Variants in LRP1B observed in about 807,000 individuals in gnomAD.
LRP1B encodes LDL receptor related protein 1B, also known as low-density lipoprotein receptor-related protein 1B.
A neutral mutation model predicts 556.6 loss-of-function variants in LRP1B; 217 were observed. That is an observed-to-expected ratio of 0.39 (90% CI 0.35 to 0.44). The LOEUF is 0.44. Among genes scored for constraint, LRP1B ranks in the 20% least tolerant of loss-of-function variants. LRP1B has a pLI of 1.00. For synonymous variants in LRP1B, 2,047 were observed against 1,865.8 expected (o/e 1.10, Z -2.50); for missense variants, 5,053 against 5,620.8 (o/e 0.90, Z 3.23).
intron 6 of LRP1B, among the ~76,000 whole-genome samples, chr2:141,206,295 C>T (rs1048837858): frequency 6.6e-6 from 1 of 151,896 alleles, no homozygotes; most frequent in Non-Finnish European, 1.5e-5. Flanking sequence ...CTATTAAGAA[C>T]GAATTGCCGG....
rs573770894 is a variant in LRP1B, at chr2:140,238,639, C to A, written c.13416-343G>T. The stretch of plus-strand genomic sequence containing the variant: ...AAGATTGTTTTCAATCCCCAAGTTA[C>A]ATGGTTAGAATCCTGTTTTACATAA... On this transcript the variant is annotated intron_variant, in intron 88 of 90. Transcript: ENST00000389484. Among the ~76,000 whole-genome samples, 43 of 150,910 alleles carry A rather than the reference C, an allele frequency of 2.8e-4. 1 individual carries two copies. In the South Asian group the frequency reaches 6.5e-3, roughly 23 times the overall value.
At chr2:140,336,292 A>C (rs1681090926) in intron 77 of LRP1B, among the ~76,000 whole-genome samples, 1 of 151,594 alleles carries the variant, frequency 6.6e-6, no homozygotes, top group African/African-American at 2.4e-5. Flanking sequence ...TAATCTTTTC[A>C]TTGCTCAGTA....
At chr2:141,534,972 C>T (rs929354541) in intron 2 of LRP1B, among the ~76,000 whole-genome samples, 1 of 152,056 alleles carries the variant, frequency 6.6e-6, no homozygotes, top group Non-Finnish European at 1.5e-5. Flanking sequence ...CTTTTTGTTT[C>T]TAAAATTGGT....
At chr2:140,922,707 C>T (rs1010921495) in intron 21 of LRP1B, among the ~76,000 whole-genome samples, 4 of 151,992 alleles carry the variant, frequency 2.6e-5, no homozygotes, top group Non-Finnish European at 5.9e-5. Flanking sequence ...AATCCTAAGT[C>T]TGACATGTTG....
At chr2:140,794,606 T>C (rs1452192624) in intron 32 of LRP1B, among the ~76,000 whole-genome samples, 2 of 151,294 alleles carry the variant, frequency 1.3e-5, no homozygotes, top group African/African-American at 2.4e-5. Flanking sequence ...GTATTTGTTA[T>C]ATAGCCACTT....
intron 2 of LRP1B, among the ~76,000 whole-genome samples, chr2:141,542,588 T>C (rs967891428): frequency 3.3e-5 from 5 of 152,206 alleles, no homozygotes; most frequent in Admixed American, 3.3e-4. Flanking sequence ...CTGAACTTTT[T>C]CCTAAATAAA....
intron 66 of LRP1B, among the ~76,000 whole-genome samples, chr2:140,436,320 G>A (rs569642822): frequency 6.6e-6 from 1 of 152,144 alleles, no homozygotes; most frequent in East Asian, 1.9e-4. Context: ...CCATTAAAAA[G>A]GATAATAGCA....
chr2:140,820,120 C>A (rs966750318), intron 31 of LRP1B, among the ~76,000 whole-genome samples: 1 of 152,110 alleles, frequency 6.6e-6, no homozygotes, highest in Admixed American at 6.5e-5. Flanking sequence ...TTGCTTCAGC[C>A]TCCCATACCG....
chr2:141,688,010 GA>G (rs112502279), intron 2 of LRP1B, among the ~76,000 whole-genome samples: 13,612 of 146,048 alleles, frequency 0.093, 999 homozygotes, highest in African/African-American at 0.2. Flanking sequence ...TATGATTTTT[GA>G]AAAAAAAAAA....
At chr2:140,430,106 T>A (rs935274519) in intron 66 of LRP1B, among the ~76,000 whole-genome samples, 1 of 152,102 alleles carries the variant, frequency 6.6e-6, no homozygotes, top group Non-Finnish European at 1.5e-5. Context: ...CTCACCCTGA[T>A]CACACTTGGT....
intron 21 of LRP1B, among the ~76,000 whole-genome samples, chr2:140,909,559 A>G (rs915750784): frequency 5.3e-5 from 8 of 151,420 alleles, no homozygotes; most frequent in Non-Finnish European, 1.2e-4. Flanking sequence ...TTTGATATAA[A>G]TAGAGAAACA....
At chr2:140,977,467 A>C (rs1317401256) in intron 18 of LRP1B, among the ~76,000 whole-genome samples, 2 of 152,208 alleles carry the variant, frequency 1.3e-5, no homozygotes, top group Non-Finnish European at 2.9e-5. Context: ...AATTGCTTCC[A>C]ACTTAAATTA....
chr2:141,199,229 C>A (rs1214408492), intron 6 of LRP1B, among the ~76,000 whole-genome samples: 1 of 152,124 alleles, frequency 6.6e-6, no homozygotes, highest in Non-Finnish European at 1.5e-5. Flanking sequence ...AATATCTTTA[C>A]CAACATCTCA....
chr2:141,248,017 G>A (rs575072795), intron 4 of LRP1B, among the ~76,000 whole-genome samples: 1 of 152,230 alleles, frequency 6.6e-6, no homozygotes, highest in South Asian at 2.1e-4. Flanking sequence ...AGACCAGCCT[G>A]GCCAACATGG....
At chr2:140,464,658 C>T (rs763954389) in intron 60 of LRP1B, among the ~76,000 whole-genome samples, 38 of 152,238 alleles carry the variant, frequency 2.5e-4, no homozygotes, top group African/African-American at 8.7e-4. Flanking sequence ...CCTTTTGCTT[C>T]GAAACTTTCT....
At position 141,058,932 on chromosome 2, in the gene LRP1B, A is replaced by C. The variant is rs777053062; in HGVS notation, c.1359T>G (p.Ile453Met). 6.3e-7 allele frequency: 1 copy of C among 1,599,220 alleles called. No homozygotes were observed. Among genetic ancestry groups the C allele is most frequent in the Non-Finnish European group, 8.5e-7 (1 of 1,173,884 alleles). ...NGTDIHSLIK[I>M]ENAWGIRIYQ... ...AAATTCGGATTCCCCAAGCATTCTC[A>C]ATTTTAATTAATGAGTGAATATCAG... The change falls in exon 9 of 91, where the codon ATT (isoleucine) becomes ATG (methionine). Residue 453 changes from isoleucine to methionine, a missense_variant. Physicochemically the swap from Ile to Met is conservative, Grantham distance 10 (BLOSUM62 1). Coordinates refer to ENST00000389484, the MANE Select transcript of LRP1B (RefSeq NM_018557.3).
chr2:141,086,950 G>A (rs1574059971), intron 7 of LRP1B, among the ~76,000 whole-genome samples: 1 of 152,132 alleles, frequency 6.6e-6, no homozygotes, highest in African/African-American at 2.4e-5. Flanking sequence ...AAATGAGAAG[G>A]AACATATTGG....
intron 1 of LRP1B, among the ~76,000 whole-genome samples, chr2:141,839,649 G>A (rs1479185586): frequency 6.6e-6 from 1 of 152,054 alleles, no homozygotes; most frequent in Non-Finnish European, 1.5e-5. Context: ...AAGTGCTGAA[G>A]GTTGTATTTC....
At chr2:140,654,550 A>G (rs781102343) in intron 41 of LRP1B, among the ~76,000 whole-genome samples, 1 of 152,150 alleles carries the variant, frequency 6.6e-6, no homozygotes, top group Admixed American at 6.6e-5. Flanking sequence ...TTTTCTGTAC[A>G]CTTTTTAAAA....
Sources: allele counts gnomAD v4.1 joint callset (sites outside exome capture counted in the v4.1 genomes callset), GRCh38; gene constraint gnomAD v4.1.1; transcripts MANE v1.5; gene names NCBI Gene and HGNC (gene_info 2026-07-23, HGNC 2026-07-21).